SNX29: variants seen among roughly 807,000 people sequenced by gnomAD.
SNX29 encodes the protein sorting nexin 29.
Under a neutral mutation model 102.1 loss-of-function variants are expected in SNX29, and 78 were observed. That is an observed-to-expected ratio of 0.76 (90% confidence interval 0.64 to 0.92). SNX29 has a LOEUF of 0.92. Ranked by LOEUF, SNX29 falls within the 40% of genes least tolerant of loss-of-function variation. SNX29 has a pLI of 0.00. For missense variants in SNX29, 1,280 were observed against 1,061.7 expected, an observed-to-expected ratio of 1.21 and a Z score of -2.86; for synonymous variants, 580 against 414.5, an observed-to-expected ratio of 1.40 and a Z score of -4.85.
At chr16:12,412,856 A>G (rs1394809962) in intron 18 of SNX29, among the ~76,000 whole-genome samples, 4 of 152,210 alleles carry the variant, frequency 2.6e-5, no homozygotes, top group Non-Finnish European at 5.9e-5. Flanking sequence ...TTTGCACTAG[A>G]TCATACTCTC....
intron 15 of SNX29, among the ~76,000 whole-genome samples, chr16:12,329,856 T>C (rs545180522): frequency 8.9e-4 from 136 of 152,336 alleles, no homozygotes; most frequent in African/African-American, 3.1e-3. Flanking sequence ...ACTGTTCCTC[T>C]TTGACAAGAG....
intron 20 of SNX29, among the ~76,000 whole-genome samples, chr16:12,548,249 C>T (rs967085607): frequency 7.9e-5 from 12 of 152,200 alleles, no homozygotes; most frequent in South Asian, 2.1e-4. Context: ...CATTTCCTTC[C>T]TTCTGGCTCA....
chr16:12,090,596 G>A (rs2052478511), intron 11 of SNX29, among the ~76,000 whole-genome samples: 1 of 152,202 alleles, frequency 6.6e-6, no homozygotes, highest in Admixed American at 6.5e-5. Context: ...ATTCTAGGAT[G>A]CTGCCTGGTT....
chr16:12,397,645 C>G (rs537720461), intron 16 of SNX29, among the ~76,000 whole-genome samples: 77 of 152,312 alleles, frequency 5.1e-4, no homozygotes, highest in Middle Eastern at 3.4e-3. Flanking sequence ...AAAAAAGAAG[C>G]TCATTCCCTG....
chr16:12,192,474 C>CA (rs1486014786), intron 13 of SNX29, among the ~76,000 whole-genome samples: 1 of 152,274 alleles, frequency 6.6e-6, no homozygotes, highest in Admixed American at 6.5e-5. Context: ...GCTTTTTCCA[C>CA]ATAGCAAGTC....
chr16:12,551,680 A>C (rs1001587575), intron 20 of SNX29, among the ~76,000 whole-genome samples: 2 of 152,320 alleles, frequency 1.3e-5, no homozygotes, highest in Admixed American at 1.3e-4. Flanking sequence ...CAGTAGGATA[A>C]AAGTACCACC....
intron 11 of SNX29, among the ~76,000 whole-genome samples, chr16:12,091,029 AAAAAAAAAAG>A (rs1374552646): frequency 3.0e-5 from 4 of 135,226 alleles, no homozygotes; most frequent in South Asian, 2.4e-4. Flanking sequence ...AAAAAAAAAA[AAAAAAAAAAG>A]AAAGAAAAAG....
At chr16:12,185,127 C>T (rs952855357) in intron 13 of SNX29, among the ~76,000 whole-genome samples, 4 of 152,192 alleles carry the variant, frequency 2.6e-5, no homozygotes, top group Non-Finnish European at 5.9e-5. Flanking sequence ...TCCACAGCTG[C>T]CTGTAGAATT....
intron 11 of SNX29, chr16:12,095,113 C>A (rs947139567): frequency 1.3e-5 from 2 of 152,150 alleles, no homozygotes; most frequent in Non-Finnish European, 2.9e-5. Context: ...TCCGTAGCTG[C>A]GGAAGTACCG....
At chr16:12,560,128 G>A (rs1188356294) in intron 20 of SNX29, among the ~76,000 whole-genome samples, 4 of 131,952 alleles carry the variant, frequency 3.0e-5, no homozygotes, top group South Asian at 2.8e-4. Context: ...CTAGTTCTGT[G>A]TTCCCCTCCC....
intron 14 of SNX29, among the ~76,000 whole-genome samples, chr16:12,204,481 C>G (rs945504381): frequency 1.3e-5 from 2 of 152,186 alleles, no homozygotes; most frequent in African/African-American, 2.4e-5. Context: ...CATAACTGTT[C>G]ATGGCCACCA....
At chr16:12,329,709 A>T (rs558996475) in intron 15 of SNX29, among the ~76,000 whole-genome samples, 3 of 152,360 alleles carry the variant, frequency 2.0e-5, no homozygotes, top group African/African-American at 7.2e-5. Context: ...GTTCACTGGC[A>T]ACGAGTCCTC....
chr16:12,355,843 T>TAAAAA (rs56358290), intron 15 of SNX29, among the ~76,000 whole-genome samples: 77 of 85,530 alleles, frequency 9.0e-4, no homozygotes, highest in East Asian at 9.7e-4. Flanking sequence ...GAGATCTTAT[T>TAAAAA]AAAAAAAAAA....
chr16:12,227,579 A>C (rs532817478), intron 14 of SNX29, among the ~76,000 whole-genome samples: 16 of 152,208 alleles, frequency 1.1e-4, no homozygotes, highest in African/African-American at 3.6e-4. Flanking sequence ...GGGGAAAGTA[A>C]GTTCTCTAGA....
rs961409485 is a variant in SNX29, at chr16:12,443,195, A to G, written c.2038-34524A>G. On this transcript the variant is annotated intron_variant, in intron 18 of 20. Transcript: ENST00000566228. ...ATGCTCCTTCCTATGGAAGCTGCTC[A>G]GTAGATCCTGCTGGGGACATGGCAT... The G allele has an allele frequency of 1.4e-5, 5 of 360,110 alleles. No individual in the cohort carries two copies. The Admixed American group carries it at 1.5e-4, about 11-fold the overall frequency. 22.3% of individuals were successfully genotyped at this position (360,110 alleles called of 1,614,324 possible). A position where few individuals can be genotyped will look rare whatever the true frequency, so the allele number is the denominator to read the frequency against.
intron 3 of SNX29, among the ~76,000 whole-genome samples, chr16:12,018,198 G>A (rs2056906976): frequency 6.6e-6 from 1 of 152,050 alleles, no homozygotes; most frequent in African/African-American, 2.4e-5. Flanking sequence ...GGAAAATGGT[G>A]TTTCTTTTTA....
intron 14 of SNX29, among the ~76,000 whole-genome samples, chr16:12,243,491 GA>G (rs2078172957): frequency 6.6e-6 from 1 of 152,208 alleles, no homozygotes; most frequent in Non-Finnish European, 1.5e-5. Context: ...TACCGTGTGA[GA>G]TTGTTAGCTA....
chr16:12,250,037 A>T (rs974181799), intron 14 of SNX29, among the ~76,000 whole-genome samples: 1 of 152,198 alleles, frequency 6.6e-6, no homozygotes, highest in African/African-American at 2.4e-5. Context: ...GGGGAGCTCC[A>T]GTGCCAGGGG....
At chr16:12,566,960 G>A (rs79752950) in intron 20 of SNX29, among the ~76,000 whole-genome samples, 137 of 152,340 alleles carry the variant, frequency 9.0e-4, no homozygotes, top group African/African-American at 3.2e-3. Flanking sequence ...TGAAACGAGG[G>A]ATCTCACTCG....
Sources: allele counts gnomAD v4.1 joint callset (sites outside exome capture counted in the v4.1 genomes callset), GRCh38; gene constraint gnomAD v4.1.1; transcripts MANE v1.5; gene names NCBI Gene and HGNC (gene_info 2026-07-23, HGNC 2026-07-21).